The following RNGTT variants were observed in gnomAD, a reference collection of about 807,000 sequenced individuals.
RNGTT encodes the protein mRNA-capping enzyme.
RNGTT carries 33 observed loss-of-function variants against 79.3 expected under a neutral mutation model. The observed-to-expected ratio is 0.42, with a 90% CI of 0.32 to 0.56. RNGTT has a LOEUF of 0.56. Ranked by LOEUF, RNGTT falls within the 20% of genes least tolerant of loss-of-function variation. The pLI is 0.17. For synonymous variants in RNGTT, 222 were observed against 235.9 expected, an observed-to-expected ratio of 0.94 and a Z score of 0.54; for missense variants, 497 against 739.1, an observed-to-expected ratio of 0.67 and a Z score of 3.80.
At chr6:88,758,891 T>A (rs1778111659) in intron 13 of RNGTT, among the ~76,000 whole-genome samples, 1 of 152,232 alleles carries the variant, frequency 6.6e-6, no homozygotes, top group Admixed American at 6.5e-5. Flanking sequence ...TTTATTTTTT[T>A]ATTATACTTT....
intron 13 of RNGTT, among the ~76,000 whole-genome samples, chr6:88,760,730 C>T (rs891971640): frequency 3.9e-5 from 6 of 152,046 alleles, no homozygotes; most frequent in Admixed American, 1.3e-4. Context: ...AAAAATGCTG[C>T]TCAGCAAAGT....
intron 9 of RNGTT, among the ~76,000 whole-genome samples, chr6:88,852,919 T>A (rs1213228824): frequency 1.3e-5 from 2 of 152,216 alleles, no homozygotes; most frequent in African/African-American, 4.8e-5. Context: ...TTCAGACATT[T>A]ATGTGAAAAA....
intron 11 of RNGTT, among the ~76,000 whole-genome samples, chr6:88,833,919 G>A (rs994812002): frequency 1.3e-4 from 20 of 152,280 alleles, no homozygotes; most frequent in African/African-American, 4.6e-4. Flanking sequence ...TATTCAGGAG[G>A]CTGAGGCAGG....
chr6:88,924,446 T>A (rs549985833), intron 4 of RNGTT, among the ~76,000 whole-genome samples: 1 of 152,310 alleles, frequency 6.6e-6, no homozygotes, highest in South Asian at 2.1e-4. Flanking sequence ...ATAAATAAGA[T>A]TATTAACTTT....
chr6:88,659,525 T>C (rs1774103115), intron 14 of RNGTT, among the ~76,000 whole-genome samples: 1 of 151,586 alleles, frequency 6.6e-6, no homozygotes, highest in East Asian at 1.9e-4. Flanking sequence ...AACAATAGAC[T>C]AGAACAAGTA....
chr6:88,635,193 T>C (rs1406416456), intron 14 of RNGTT, among the ~76,000 whole-genome samples: 2 of 152,152 alleles, frequency 1.3e-5, no homozygotes, highest in Non-Finnish European at 2.9e-5. Flanking sequence ...GGGCTGTGTG[T>C]GTGCTTATGT....
intron 8 of RNGTT, among the ~76,000 whole-genome samples, chr6:88,862,219 C>T (rs1782036037): frequency 6.6e-6 from 1 of 152,098 alleles, no homozygotes. Context: ...GGGATGGGGA[C>T]TAGGAAAGAA....
intron 11 of RNGTT, among the ~76,000 whole-genome samples, chr6:88,804,964 T>C (rs753747342): frequency 3.3e-5 from 5 of 152,374 alleles, no homozygotes; most frequent in African/African-American, 4.8e-5. Flanking sequence ...TCTATGTTCA[T>C]AATCTTAGAA....
rs1019528737 is a variant in RNGTT at position 88,922,684 on chromosome 6, C to T, written c.367+6301G>A. On this transcript the variant is annotated intron_variant, in intron 4 of 15. Transcript: ENST00000369485. ...CTGGGACTACAGGCGTCCGCCACCA[C>T]GCCCAGCTAATTTTTTGTATTTTTT... is the stretch of plus-strand genomic sequence containing the variant. Among the ~76,000 whole-genome samples the T allele has an allele frequency of 8.9e-4, 135 of 152,176 alleles. 1 individual carries two copies. Among genetic ancestry groups the T allele is most frequent in the African/African-American group, 3.2e-3 (131 of 41,512 alleles).
intron 13 of RNGTT, among the ~76,000 whole-genome samples, chr6:88,698,781 T>C (rs911972658): frequency 2.6e-5 from 4 of 152,122 alleles, no homozygotes; most frequent in African/African-American, 9.7e-5. Context: ...AACTAAAAGT[T>C]AAAAGTTAAC....
At chr6:88,752,510 CA>C (rs1387602995) in intron 13 of RNGTT, among the ~76,000 whole-genome samples, 2 of 152,072 alleles carry the variant, frequency 1.3e-5, no homozygotes, top group African/African-American at 2.4e-5. Flanking sequence ...ACAATTATAT[CA>C]AATATAAGCC....
At position 88,854,478 on chromosome 6, in the gene RNGTT, C is replaced by CGA. The variant is rs554312421; in HGVS notation, c.897-715_897-714insTC. On this transcript the variant is annotated intron_variant, in intron 8 of 15. Transcript: ENST00000369485. ...TAACTATATGGATTAGGTATTCTCT[C>CGA]CACTTCAAAATAGAAAAAAGCAGTG... Among the ~76,000 whole-genome samples, 8 of 152,220 alleles carry CGA rather than the reference C, an allele frequency of 5.3e-5. 1 individual carries two copies. The South Asian group carries it at 1.7e-3, about 32-fold the overall frequency.
intron 1 of RNGTT, among the ~76,000 whole-genome samples, chr6:88,946,217 A>G (rs554710084): frequency 6.6e-6 from 1 of 152,170 alleles, no homozygotes; most frequent in African/African-American, 2.4e-5. Flanking sequence ...AAGCTTTTTT[A>G]TTATTATTAT....
At chr6:88,866,414 C>G (rs566115671) in intron 8 of RNGTT, among the ~76,000 whole-genome samples, 5 of 152,092 alleles carry the variant, frequency 3.3e-5, no homozygotes, top group African/African-American at 1.2e-4. Flanking sequence ...TTCATACAGG[C>G]ACTACCAAAG....
chr6:88,917,151 A>G (rs1309911799), intron 4 of RNGTT, among the ~76,000 whole-genome samples: 1 of 152,146 alleles, frequency 6.6e-6, no homozygotes, highest in African/African-American at 2.4e-5. Flanking sequence ...GCTTCCTTGG[A>G]CTTTGAGAAT....
chr6:88,901,767 G>T (rs1783477230), intron 6 of RNGTT, among the ~76,000 whole-genome samples: 1 of 152,030 alleles, frequency 6.6e-6, no homozygotes. Flanking sequence ...TCAGTGCTGG[G>T]ATTTCAGGCG....
At chr6:88,826,586 CTA>C in intron 11 of RNGTT, among the ~76,000 whole-genome samples, 1 of 151,918 alleles carries the variant, frequency 6.6e-6, no homozygotes, top group South Asian at 2.1e-4. Flanking sequence ...AAGTTCAAGA[CTA>C]GCCTGGCCAA....
At chr6:88,637,820 AT>A (rs1207934171) in intron 14 of RNGTT, among the ~76,000 whole-genome samples, 2 of 152,134 alleles carry the variant, frequency 1.3e-5, no homozygotes, top group African/African-American at 4.8e-5. Flanking sequence ...ATTTTTAAAA[AT>A]GACTTTTATG....
chr6:88,856,496 T>C (rs932964264), intron 8 of RNGTT, among the ~76,000 whole-genome samples: 3 of 152,106 alleles, frequency 2.0e-5, no homozygotes, highest in Non-Finnish European at 4.4e-5. Flanking sequence ...AAGAAAATAT[T>C]TTCTATGCAC....
Sources: allele counts gnomAD v4.1 joint callset (sites outside exome capture counted in the v4.1 genomes callset), GRCh38; gene constraint gnomAD v4.1.1; transcripts MANE v1.5; gene names NCBI Gene and HGNC (gene_info 2026-07-23, HGNC 2026-07-21).